ADGRB1: variants seen among roughly 807,000 people sequenced by gnomAD.
ADGRB1 encodes the protein brain-specific angiogenesis inhibitor 1.
ADGRB1 carries 36 observed loss-of-function variants against 175.7 expected under a neutral mutation model. The observed-to-expected ratio is 0.20, with a 90% CI of 0.16 to 0.27. The LOEUF is 0.27. ADGRB1 is among the 10% of genes least tolerant of loss of function. The probability of loss-of-function intolerance (pLI) is 1.00; values close to 1 mark genes in which losing one functional copy is unlikely to be tolerated. For synonymous variants in ADGRB1, 1,054 were observed against 979.4 expected, an observed-to-expected ratio of 1.08 and a Z score of -1.42; for missense variants, 1,731 against 2,255.3, an observed-to-expected ratio of 0.77 and a Z score of 4.71.
At position 142,476,704 on chromosome 8, in the gene ADGRB1, G is replaced by A. The variant is rs1563691880; in HGVS notation, c.1057+9G>A. 2 of 1,542,364 alleles carry A rather than the reference G, an allele frequency of 1.3e-6. No individual in the cohort carries two copies. The highest frequency in any genetic ancestry group is 2.0e-5 in the Admixed American group (1 of 50,684). On this transcript the variant is annotated intron_variant, in intron 4 of 30. Coordinates refer to ENST00000517894, the MANE Select transcript of ADGRB1 (RefSeq NM_001702.3). ...CCCAGCCCCCCAGACCGGTGAGCTG[G>A]CGGGAGGGGGGTGGGTGGGACTAGG...
chr8:142,531,883 C>T (rs148397243), intron 24 of ADGRB1, among the ~76,000 whole-genome samples: 405 of 152,264 alleles, frequency 2.7e-3, no homozygotes, highest in African/African-American at 9.4e-3. Context: ...TGAGAGATGA[C>T]GACACAGATA....
intron 25 of ADGRB1, among the ~76,000 whole-genome samples, chr8:142,535,980 T>A (rs1010301839): frequency 6.6e-6 from 1 of 152,118 alleles, no homozygotes; most frequent in African/African-American, 2.4e-5. Context: ...TCTCGCCCGC[T>A]TTGGGCCTCG....
intron 1 of ADGRB1, among the ~76,000 whole-genome samples, chr8:142,461,263 C>T (rs1045741212): frequency 6.6e-6 from 1 of 152,194 alleles, no homozygotes; most frequent in African/African-American, 2.4e-5. Context: ...CTCTGTGGAC[C>T]TCAGCATGCC....
Position 142,464,682 on chromosome 8 carries a change from C to A in ADGRB1, c.484C>A (p.Pro162Thr). Reference sequence around the variant, plus strand: ...CGACGGGCTCCGGCCCCGGGCCGGGCCGCCGGGCCCCACCGACGACTTCTC... The same window carrying A: ...CGACGGGCTCCGGCCCCGGGCCGGGACGCCGGGCCCCACCGACGACTTCTC... ...QHDGLRPRAG[P>T]PGPTDDFSVE... Residue 162 changes from proline to threonine, a missense_variant, in exon 2 of 31, where the codon CCG becomes ACG. Pro to Thr is a conservative substitution (Grantham distance 38). Around this residue, in one of 8 missense-constraint regions of ADGRB1, gnomAD observed 383 missense variants for 383.1 expected, o/e 1.00. Coordinates refer to ENST00000517894, the MANE Select transcript of ADGRB1 (RefSeq NM_001702.3). 1 of 1,525,964 alleles carries A rather than the reference C, an allele frequency of 6.6e-7. No homozygotes were observed. Among genetic ancestry groups the A allele is most frequent in the Non-Finnish European group, 8.8e-7 (1 of 1,142,280 alleles). The allele number at this position is 1,525,964 out of a possible 1,614,324, so 94.5% of individuals were successfully genotyped here. A position where few individuals can be genotyped will look rare whatever the true frequency, so the allele number is the denominator to read the frequency against.
At chr8:142,470,432 G>A (rs76939315) in intron 2 of ADGRB1, among the ~76,000 whole-genome samples, 128 of 152,106 alleles carry the variant, frequency 8.4e-4, no homozygotes, top group African/African-American at 3.0e-3. Context: ...CGTGTGGTGT[G>A]TGTGGAGCCA....
intron 20 of ADGRB1, among the ~76,000 whole-genome samples, chr8:142,521,272 G>T (rs1023071720): frequency 6.6e-6 from 1 of 152,158 alleles, no homozygotes; most frequent in African/African-American, 2.4e-5. Flanking sequence ...AAGACGAGTG[G>T]CACTGTGGTG....
chr8:142,530,870 C>T (rs1371066303), intron 24 of ADGRB1, among the ~76,000 whole-genome samples: 1 of 152,228 alleles, frequency 6.6e-6, no homozygotes, highest in Non-Finnish European at 1.5e-5. Context: ...GCACTCCTGG[C>T]CTCCCCTTCA....
chr8:142,450,462 G>A (rs1839276814), intron 1 of ADGRB1, among the ~76,000 whole-genome samples: 1 of 152,144 alleles, frequency 6.6e-6, no homozygotes, highest in South Asian at 2.1e-4. Context: ...GGCAGGCTGG[G>A]GAGGGCGTTC....
intron 2 of ADGRB1, among the ~76,000 whole-genome samples, chr8:142,469,706 TGTGA>T (rs1009172561): frequency 6.6e-6 from 1 of 151,806 alleles, no homozygotes; most frequent in Non-Finnish European, 1.5e-5. Flanking sequence ...CGTGCCTGTG[TGTGA>T]ATGTGAGTGC....
chr8:142,522,969 C>T (rs1843937932), intron 22 of ADGRB1, among the ~76,000 whole-genome samples: 1 of 152,264 alleles, frequency 6.6e-6, no homozygotes, highest in African/African-American at 2.4e-5. Context: ...GCCTCCCCCT[C>T]TGTCAGTTGG....
intron 6 of ADGRB1, 132 bp from the exon 7 acceptor site, chr8:142,478,055 C>T: frequency 8.0e-7 from 1 of 1,257,600 alleles, no homozygotes; most frequent in Non-Finnish European, 1.1e-6. Flanking sequence ...GGTGGTGGCC[C>T]CCAGGGTGTT....
In ADGRB1 at chr8:142,533,204, T is replaced by C. The variant is rs866533099; in HGVS notation, c.3399-91T>C. 85 of 1,329,488 alleles carry C rather than the reference T, an allele frequency of 6.4e-5. No homozygotes were observed. In the African/African-American group the frequency reaches 1.1e-3, roughly 17 times the overall value. 82.4% of individuals were successfully genotyped at this position (1,329,488 alleles called of 1,614,324 possible). A position where few individuals can be genotyped will look rare whatever the true frequency, so the allele number is the denominator to read the frequency against. On this transcript the variant is annotated intron_variant, in intron 24 of 30. Coordinates refer to ENST00000517894, the MANE Select transcript of ADGRB1 (RefSeq NM_001702.3). ...ACAGAGACGGGGACTTAGGGCTGGG[T>C]CCCCACCGAGGCCTGGAGATGCAGG...
Position 142,537,441 on chromosome 8 carries a change from C to G in ADGRB1, c.3666+359C>G, listed in dbSNP as rs536408780. Among the ~76,000 whole-genome samples, 5 of 152,206 alleles carry G rather than the reference C, an allele frequency of 3.3e-5. No individual in the cohort carries two copies. The highest frequency in any genetic ancestry group is 1.2e-4 in the African/African-American group (5 of 41,518). ...ACCTCCCAGGCCCACCCTCAGTGCCCTCCATCCCCACCCAGGAAAGTCCTG... is the reference window on the plus strand; with the variant it reads ...ACCTCCCAGGCCCACCCTCAGTGCCGTCCATCCCCACCCAGGAAAGTCCTG... On this transcript the variant is annotated intron_variant, in intron 26 of 30. Transcript: ENST00000517894. This position sits in a 1 kb window ranked among gnomAD's most constrained non-coding sequence, Gnocchi z 4.6.
chr8:142,485,368 T>A (rs4074758), intron 13 of ADGRB1, among the ~76,000 whole-genome samples: 2 of 151,906 alleles, frequency 1.3e-5, no homozygotes, highest in Admixed American at 6.6e-5. Context: ...TTTCTCAAAC[T>A]TTCCCTGCCT....
At position 142,537,891 on chromosome 8, in the gene ADGRB1, G is replaced by A. The variant is rs917899057; in HGVS notation, c.3666+809G>A. ...CCCCTGGGGCTCAGCCAGGACCGTA[G>A]TGGGCTCCTAGTCACCAAGTCTGCT... On this transcript the variant is annotated intron_variant, in intron 26 of 30. Transcript: ENST00000517894. The surrounding 1 kb of genome is among the most constrained non-coding windows in gnomAD (Gnocchi z 4.6). Among the ~76,000 whole-genome samples, 4 of 152,202 alleles carry A rather than the reference G, an allele frequency of 2.6e-5. No individual in the cohort carries two copies. Among genetic ancestry groups the A allele is most frequent in the African/African-American group, 7.2e-5 (3 of 41,530 alleles).
At chr8:142,535,718 A>C (rs1220605350) in intron 25 of ADGRB1, among the ~76,000 whole-genome samples, 1 of 152,038 alleles carries the variant, frequency 6.6e-6, no homozygotes, top group Non-Finnish European at 1.5e-5. Flanking sequence ...AGGGTACCAG[A>C]GGGACTTGGG....
At position 142,477,232 on chromosome 8, in the gene ADGRB1, AC is replaced by A; in HGVS notation, c.1180del (p.Leu394CysfsTer196). ...CCTCCTACAGCACGCAGTGCAGCGG[AC>A]CCCTGCGCGAGCAGCGGCTGTGCAA... ...SSSYSTQCSG[P>X]LREQRLCNNS... On this transcript the variant is annotated frameshift_variant, in exon 5 of 31. Transcript: ENST00000517894. LOFTEE classifies it high-confidence loss of function. 6.3e-7 allele frequency: 1 copy of A among 1,596,600 alleles called. No individual in the cohort carries two copies. Among genetic ancestry groups the A allele is most frequent in the African/African-American group, 1.4e-5 (1 of 74,006 alleles).
At chr8:142,503,827 G>A (rs1011141701) in intron 17 of ADGRB1, among the ~76,000 whole-genome samples, 2 of 152,174 alleles carry the variant, frequency 1.3e-5, no homozygotes, top group African/African-American at 2.4e-5. Context: ...CCAGCCCAGG[G>A]GTATCCCATG....
chr8:142,481,196 G>A, intron 9 of ADGRB1, 58 bp from the exon 10 acceptor site: 4 of 1,519,990 alleles, frequency 2.6e-6, no homozygotes, highest in Non-Finnish European at 3.6e-6. Flanking sequence ...AGGGGCCAAG[G>A]GTGGGATTCC....
Sources: allele counts gnomAD v4.1 joint callset (sites outside exome capture counted in the v4.1 genomes callset), GRCh38; gene constraint gnomAD v4.1.1; regional missense constraint gnomAD v4.1.1; non-coding constraint Gnocchi (gnomAD v3.1); transcripts MANE v1.5; gene names NCBI Gene and HGNC (gene_info 2026-07-23, HGNC 2026-07-21).